The following OR14A16 variants were observed in gnomAD, a reference collection of about 807,000 sequenced individuals.
OR14A16 encodes olfactory receptor 14A16.
For missense variants in OR14A16, 341 were observed against 366.5 expected (o/e 0.93, Z 0.57); for synonymous variants, 135 against 137.6 (o/e 0.98, Z 0.13).
chr1:247,822,585 A>G (rs12756520), intron 1 of OR14A16, among the ~76,000 whole-genome samples: 24,104 of 151,722 alleles, frequency 0.16, 2,073 homozygotes, highest in Non-Finnish European at 0.19. Context: ...TGATCATCCA[A>G]CTCGCACTTG....
In OR14A16 at chr1:247,814,673, T is replaced by G; in HGVS notation, c.*127A>C. ...TAATTAATTGCCCAAGGAAATTTTC[T>G]AATAAAATAATTGCTTTCATTTGTC... On this transcript the variant is annotated 3_prime_UTR_variant, in exon 3 of 3. Coordinates refer to ENST00000641093, the MANE Select transcript of OR14A16 (RefSeq NM_001001966.2). The G allele has an allele frequency of 4.0e-6, 2 of 500,034 alleles. No individual in the cohort carries two copies. Among genetic ancestry groups the G allele is most frequent in the Non-Finnish European group, 6.5e-6 (2 of 307,856 alleles). The allele number at this position is 500,034 out of a possible 1,614,324, so 31.0% of individuals were successfully genotyped here.
Position 247,815,543 on chromosome 1 carries a change from T to C in OR14A16, c.187A>G (p.Asn63Asp), listed in dbSNP as rs896900910. Reference protein sequence around the residue: ...LHTPVYFFLKNLSFLDLCLIS... With the variant: ...LHTPVYFFLKDLSFLDLCLIS... ...AGGCAGAGATCCAAGAAAGATAGAT[T>C]CTTCAAGAAGAAATACACGGGGGTG... Residue 63 changes from asparagine to aspartate, a missense_variant, in exon 3 of 3, where the codon AAT becomes GAT. By Grantham distance (23) the Asn-to-Asp change is conservative. Coordinates refer to ENST00000641093, the MANE Select transcript of OR14A16 (RefSeq NM_001001966.2). 9 of 1,613,926 alleles carry C rather than the reference T, an allele frequency of 5.6e-6. No homozygotes were observed. Among genetic ancestry groups the C allele is most frequent in the Non-Finnish European group, 7.6e-6 (9 of 1,179,962 alleles).
intron 1 of OR14A16, among the ~76,000 whole-genome samples, chr1:247,823,178 A>G (rs1437789296): frequency 6.6e-6 from 1 of 151,982 alleles, no homozygotes; most frequent in African/African-American, 2.4e-5. Context: ...GAAGATCTAG[A>G]GTTGTGTCAT....
intron 1 of OR14A16, among the ~76,000 whole-genome samples, chr1:247,820,604 G>T (rs915620209): frequency 1.3e-5 from 2 of 152,144 alleles, no homozygotes; most frequent in East Asian, 3.9e-4. Context: ...CCAGCACTTT[G>T]GGAGGCCGAG....
intron 1 of OR14A16, among the ~76,000 whole-genome samples, chr1:247,821,685 A>G (rs1339861837): frequency 6.8e-6 from 1 of 146,132 alleles, no homozygotes; most frequent in Non-Finnish European, 1.5e-5. Flanking sequence ...TATATTATCT[A>G]TGCACCCACT....
Position 247,814,758 on chromosome 1 carries a change from T to G in OR14A16, c.*42A>C. 1 of 1,107,608 alleles carries G rather than the reference T, an allele frequency of 9.0e-7. No homozygotes were observed. The highest frequency in any genetic ancestry group is 1.3e-6 in the Non-Finnish European group (1 of 781,064). The allele number at this position is 1,107,608 out of a possible 1,614,324, so 68.6% of individuals were successfully genotyped here. On this transcript the variant is annotated 3_prime_UTR_variant, in exon 3 of 3. Coordinates refer to ENST00000641093, the MANE Select transcript of OR14A16 (RefSeq NM_001001966.2). ...AAATGAAGAATTAATGTGTGTACAT[T>G]ATAAATGGTATCTATTATTGAAAGA...
At chr1:247,821,965 T>G (rs1662747761) in intron 1 of OR14A16, among the ~76,000 whole-genome samples, 1 of 152,182 alleles carries the variant, frequency 6.6e-6, no homozygotes, top group South Asian at 2.1e-4. Context: ...GTTTTATACT[T>G]ATAACAGGCT....
At chr1:247,818,630 A>T (rs2103284063) in intron 2 of OR14A16, among the ~76,000 whole-genome samples, 1 of 152,284 alleles carries the variant, frequency 6.6e-6, no homozygotes, top group Non-Finnish European at 1.5e-5. Context: ...GCATGTTCTC[A>T]CTCTAATTGG....
At chr1:247,820,611 C>T (rs13374791) in intron 1 of OR14A16, among the ~76,000 whole-genome samples, 8,129 of 151,652 alleles carry the variant, frequency 0.054, 727 homozygotes, top group African/African-American at 0.18. Flanking sequence ...TTTGGGAGGC[C>T]GAGGTGTGTG....
In OR14A16 at chr1:247,819,068, A is replaced by G. The variant is rs561035978; in HGVS notation, c.-21T>C. 145 of 151,736 alleles carry G rather than the reference A, an allele frequency of 9.6e-4. No homozygotes were observed. Among genetic ancestry groups the G allele is most frequent in the African/African-American group, 3.4e-3 (140 of 41,178 alleles). 9.4% of individuals were successfully genotyped at this position (151,736 alleles called of 1,614,324 possible). A position where few individuals can be genotyped will look rare whatever the true frequency, so the allele number is the denominator to read the frequency against. ...TCTTTTAAAAAATGACTTACTCTAT[A>G]CCTCCAATCTGGCGCACGAAGATTC... On this transcript the variant is annotated 5_prime_UTR_variant, in exon 2 of 3. Coordinates refer to ENST00000641093, the MANE Select transcript of OR14A16 (RefSeq NM_001001966.2).
At chr1:247,818,860 G>C (rs986400818) in intron 2 of OR14A16, among the ~76,000 whole-genome samples, 1 of 152,056 alleles carries the variant, frequency 6.6e-6, no homozygotes. Flanking sequence ...AATGGAATTG[G>C]AATGTTCCTA....
At chr1:247,818,477 G>A (rs1396676231) in intron 2 of OR14A16, among the ~76,000 whole-genome samples, 1 of 152,120 alleles carries the variant, frequency 6.6e-6, no homozygotes, top group Non-Finnish European at 1.5e-5. Flanking sequence ...CAGATGAGTA[G>A]ATTTTAAAAA....
At chr1:247,821,195 A>C (rs1326510150) in intron 1 of OR14A16, among the ~76,000 whole-genome samples, 1 of 152,230 alleles carries the variant, frequency 6.6e-6, no homozygotes, top group African/African-American at 2.4e-5. Flanking sequence ...GTCTATGCTG[A>C]ATAATGTTTT....
intron 1 of OR14A16, among the ~76,000 whole-genome samples, chr1:247,823,675 C>T (rs1389230): frequency 0.045 from 6,808 of 152,068 alleles, 467 homozygotes; most frequent in African/African-American, 0.15. Context: ...ACTGTCAATT[C>T]TGAATGAATA....
In OR14A16 at chr1:247,815,134, A is replaced by T. The variant is rs61734861; in HGVS notation, c.596T>A (p.Leu199His). ...GCAGAAATCCAAAACTACATTAATA[A>T]GGATGAGTGCAATTTCTCTTATTAA... ...ENLIREIALI[L>H]INVVLDFCCF... Residue 199 changes from leucine to histidine, a missense_variant, in exon 3 of 3, where the codon CTT (leucine) becomes CAT (histidine). Leu to His is a moderately conservative substitution (Grantham distance 99). Transcript: ENST00000641093. 33 of 1,612,784 alleles carry T rather than the reference A, an allele frequency of 2.0e-5. No individual in the cohort carries two copies. The African/African-American group carries it at 3.9e-4, about 19-fold the overall frequency.
At chr1:247,819,428 G>GA (rs1662688021) in intron 1 of OR14A16, among the ~76,000 whole-genome samples, 1 of 152,098 alleles carries the variant, frequency 6.6e-6, no homozygotes, top group Non-Finnish European at 1.5e-5. Flanking sequence ...ATGTGTTACA[G>GA]AAAAAATGGA....
At position 247,815,443 on chromosome 1, in the gene OR14A16, A is replaced by T; in HGVS notation, c.287T>A (p.Val96Asp). 6.2e-7 allele frequency: 1 copy of T among 1,614,054 alleles called. No individual in the cohort carries two copies. Among genetic ancestry groups the T allele is most frequent in the African/African-American group, 1.3e-5 (1 of 75,052 alleles). Residue 96 changes from valine to aspartate, a missense_variant, in exon 3 of 3, where the codon GTT (valine) becomes GAT (aspartate). By Grantham distance (152) the Val-to-Asp change is radical. Transcript: ENST00000641093. The part of the protein sequence containing the change: ...HNNSISFLGC[V>D]SQVFLLLSSA... ...AGAAAGCAACAAAAAGACCTGGGAA[A>T]CACAGCCAAGGAATGAAATGGAGTT...
rs1188205704 is a variant in OR14A16 at position 247,816,855 on chromosome 1, CT to C, written c.-15-1112del. 6.6e-5 allele frequency among the ~76,000 whole-genome samples: 3 copies of C among 45,792 alleles called. No homozygotes were observed. The South Asian group carries it at 0.011, about 173-fold the overall frequency. The allele number at this position is 45,792 out of a possible 152,430, so 30.0% of individuals were successfully genotyped here. A position where few individuals can be genotyped will look rare whatever the true frequency, so the allele number is the denominator to read the frequency against. On this transcript the variant is annotated intron_variant, in intron 2 of 2. Coordinates refer to ENST00000641093, the MANE Select transcript of OR14A16 (RefSeq NM_001001966.2). ...TTTAATAAGTTAAACTATGTTTTCT[CT>C]TTCAAGCTTTTTTCTCTTTCATCAT...
Position 247,815,527 on chromosome 1 carries a change from T to A in OR14A16, c.203A>T (p.Asp68Val), listed in dbSNP as rs937875009. 1.2e-6 allele frequency: 2 copies of A among 1,613,854 alleles called. No individual in the cohort carries two copies. Among genetic ancestry groups the A allele is most frequent in the Non-Finnish European group, 1.7e-6 (2 of 1,179,888 alleles). Residue 68 changes from aspartate to valine, a missense_variant, in exon 3 of 3, where the codon GAT (aspartate) becomes GTT (valine). By Grantham distance (152) the Asp-to-Val change is radical. Transcript: ENST00000641093. The stretch of plus-strand genomic sequence containing the variant: ...AGCCGTGACTGAAATAAGGCAGAGA[T>A]CCAAGAAAGATAGATTCTTCAAGAA... ...YFFLKNLSFL[D>V]LCLISVTAPK...
Sources: gnomAD v4.1 joint callset for allele counts (sites outside exome capture counted in the v4.1 genomes callset) on GRCh38, gnomAD v4.1.1 for gene constraint, MANE v1.5 for transcripts, NCBI Gene and HGNC (gene_info 2026-07-23, HGNC 2026-07-21) for gene names.